MYO7B: variants seen among roughly 807,000 people sequenced by gnomAD.
MYO7B encodes the protein myosin VIIB.
In MYO7B, 212 loss-of-function variants were observed where a neutral mutation model predicts 259.7. The ratio of observed to expected loss-of-function variants is 0.82; its 90% confidence interval spans 0.73 to 0.91. MYO7B has a LOEUF of 0.91. MYO7B is among the 40% of genes least tolerant of loss of function. The probability of loss-of-function intolerance (pLI) is 0.00; values close to 1 mark genes in which losing one functional copy is unlikely to be tolerated. For missense variants in MYO7B, 2,732 were observed against 2,813.5 expected, an observed-to-expected ratio of 0.97 and a Z score of 0.66; for synonymous variants, 1,197 against 1,166.4, an observed-to-expected ratio of 1.03 and a Z score of -0.54.
intron 5 of MYO7B, among the ~76,000 whole-genome samples, chr2:127,567,319 C>CAA (rs142821603): frequency 2.0e-5 from 3 of 151,372 alleles, no homozygotes; most frequent in East Asian, 1.9e-4. Context: ...AGGGCCCACT[C>CAA]AAAAAAAAAC....
intron 9 of MYO7B, among the ~76,000 whole-genome samples, chr2:127,578,935 C>T (rs1678994135): frequency 6.6e-6 from 1 of 152,008 alleles, no homozygotes; most frequent in Non-Finnish European, 1.5e-5. Flanking sequence ...AAAATTTAGA[C>T]AGCGAATGGG....
intron 6 of MYO7B, among the ~76,000 whole-genome samples, chr2:127,573,636 CT>C (rs1678737549): frequency 6.6e-6 from 1 of 152,236 alleles, no homozygotes; most frequent in Non-Finnish European, 1.5e-5. Context: ...TACCTACTAA[CT>C]AGTTCTGTCT....
chr2:127,631,312 C>T lies in MYO7B; in HGVS notation c.5044C>T (p.Arg1682Ter), dbSNP rs531395124. The T allele has an allele frequency of 8.1e-6, 13 of 1,612,112 alleles. No homozygotes were observed. The highest frequency in any genetic ancestry group is 4.5e-5 in the East Asian group (2 of 44,854). Residue 1682 changes from arginine to a stop codon, truncating the protein, a stop_gained, in exon 37 of 48, where the codon CGA (arginine) becomes TGA (stop). Coordinates refer to ENST00000409816, the MANE Select transcript of MYO7B (RefSeq NM_001393586.1). LOFTEE classifies it high-confidence loss of function. Reference protein sequence around the residue: ...CEPLRQPLLKRVHANVDLWDI... With the variant: ...CEPLRQPLLK ...GCCGCTGCGACAGCCGCTGCTCAAG[C>T]GAGTCCACGCCAACGTCGACCTCTG...
chr2:127,558,667 G>A (rs1052288318), intron 1 of MYO7B, among the ~76,000 whole-genome samples: 3 of 152,040 alleles, frequency 2.0e-5, no homozygotes, highest in East Asian at 3.8e-4. Context: ...AGATATAGAC[G>A]TATATATATG....
At chr2:127,556,636 T>C (rs1344763162) in intron 1 of MYO7B, among the ~76,000 whole-genome samples, 1 of 152,212 alleles carries the variant, frequency 6.6e-6, no homozygotes, top group Non-Finnish European at 1.5e-5. Flanking sequence ...GGATCTTTCT[T>C]TCATCTATGA....
chr2:127,569,944 C>T (rs755698084), intron 6 of MYO7B, 34 bp downstream of exon 6: 1 of 1,593,710 alleles, frequency 6.3e-7, no homozygotes, highest in Middle Eastern at 1.8e-4. Context: ...CCTTCTCCCC[C>T]AGCCCCCCTG....
intron 9 of MYO7B, among the ~76,000 whole-genome samples, chr2:127,578,664 C>T (rs950931944): frequency 2.6e-5 from 4 of 152,112 alleles, no homozygotes; most frequent in Non-Finnish European, 4.4e-5. Flanking sequence ...AAGCACCTAA[C>T]GGCAGTTATT....
intron 1 of MYO7B, among the ~76,000 whole-genome samples, chr2:127,556,323 T>G (rs893264131): frequency 6.6e-6 from 1 of 152,220 alleles, no homozygotes; most frequent in African/African-American, 2.4e-5. Context: ...AGCAGATGCT[T>G]GGTTGGTGAA....
At position 127,631,252 on chromosome 2, in the gene MYO7B, C is replaced by T. The variant is rs772287935; in HGVS notation, c.4984C>T (p.Arg1662Cys). 1.2e-5 allele frequency: 20 copies of T among 1,610,972 alleles called. No homozygotes were observed. The highest frequency in any genetic ancestry group is 7.7e-5 in the South Asian group (7 of 90,940). ...MVSMAVLPLA[R>C]ARGHLWAYSC... ...GAGCATGGCCGTGCTGCCCCTGGCC[C>T]GTGCCCGTGGCCACCTGTGGGCCTA... The change falls in exon 37 of 48, where the codon CGT becomes TGT. Residue 1662 changes from arginine to cysteine, a missense_variant. Physicochemically the swap from Arg to Cys is radical, Grantham distance 180. Coordinates refer to ENST00000409816, the MANE Select transcript of MYO7B (RefSeq NM_001393586.1).
At chr2:127,560,030 C>CT (rs59002626) in intron 2 of MYO7B, among the ~76,000 whole-genome samples, 5,386 of 138,132 alleles carry the variant, frequency 0.039, 378 homozygotes, top group African/African-American at 0.14. Flanking sequence ...CTTTTCTTTT[C>CT]TTTTTTTTTT....
rs1681357188 is a variant in MYO7B, at chr2:127,629,705, G to A, written c.4685G>A (p.Gly1562Glu). The A allele has an allele frequency of 1.2e-6, 2 of 1,612,306 alleles. No homozygotes were observed. Among genetic ancestry groups the A allele is most frequent in the Non-Finnish European group, 1.7e-6 (2 of 1,179,498 alleles). ...GDLLVLTKKQ[G>E]LLASENWTLG... is the part of the protein sequence containing the mutation. ...CTGTTGGTCCTCACAAAGAAGCAGG[G>A]GCTGCTGGCCTCTGAGAACTGGACC... Residue 1562 changes from glycine to glutamate, a missense_variant, in exon 35 of 48, where the codon GGG becomes GAG. Transcript: ENST00000409816.
chr2:127,565,459 T>C, intron 4 of MYO7B, 74 bp downstream of exon 4: 1 of 1,572,186 alleles, frequency 6.4e-7, no homozygotes, highest in Non-Finnish European at 8.7e-7. Flanking sequence ...GAGAAGAAAA[T>C]GATGCACAGG....
chr2:127,547,520 A>G (rs1016765606), intron 1 of MYO7B, among the ~76,000 whole-genome samples: 1 of 152,154 alleles, frequency 6.6e-6, no homozygotes, highest in Non-Finnish European at 1.5e-5. Context: ...GGAAGAGGTA[A>G]GATACAAGGT....
In MYO7B at chr2:127,546,762, G is replaced by GTCCATCCATCCATCCATCCA. The variant is rs3034060; in HGVS notation, c.-24+10954_-24+10973dup. Among the ~76,000 whole-genome samples the GTCCATCCATCCATCCATCCA allele has an allele frequency of 6.7e-6, 1 of 149,318 alleles. No homozygotes were observed. The highest frequency in any genetic ancestry group is 1.5e-5 in the Non-Finnish European group (1 of 67,450). The stretch of plus-strand genomic sequence containing the variant: ...ATGCCTCACCTGCTTTCCTGGGTAG[G>GTCCATCCATCCATCCATCCA]TCCATCCATCCATCCATCCATCCAT... On this transcript the variant is annotated intron_variant, in intron 1 of 47. Transcript: ENST00000409816. This position sits in a 1 kb window ranked among gnomAD's most constrained non-coding sequence, Gnocchi z 4.2.
At chr2:127,620,289 C>A in intron 26 of MYO7B, 51 bp from the exon 27 acceptor site, 1 of 1,563,694 alleles carries the variant, frequency 6.4e-7, no homozygotes, top group Non-Finnish European at 8.7e-7. Context: ...CCCCTGTCTC[C>A]TCTCCTCCTC....
chr2:127,625,274 G>A (rs1681047668), intron 30 of MYO7B, 94 bp from the exon 31 acceptor site: 1 of 1,373,200 alleles, frequency 7.3e-7, no homozygotes, highest in Non-Finnish European at 9.6e-7. Flanking sequence ...CCCTGTGATG[G>A]GGCAAGAGCC....
chr2:127,560,093 C>A (rs1678012821), intron 2 of MYO7B, among the ~76,000 whole-genome samples: 1 of 150,066 alleles, frequency 6.7e-6, no homozygotes, highest in South Asian at 2.1e-4. Context: ...GTGGCACGAT[C>A]TCAGCTCACG....
chr2:127,574,307 G>C (rs574213103), intron 7 of MYO7B, among the ~76,000 whole-genome samples: 10 of 152,178 alleles, frequency 6.6e-5, no homozygotes, highest in Admixed American at 5.9e-4. Context: ...AGGCCAAAGC[G>C]GGTGGGTTAC....
chr2:127,624,190 C>T lies in MYO7B; in HGVS notation c.3917C>T (p.Pro1306Leu). 1 of 1,596,842 alleles carries T rather than the reference C, an allele frequency of 6.3e-7. No individual in the cohort carries two copies. The highest frequency in any genetic ancestry group is 8.5e-7 in the Non-Finnish European group (1 of 1,172,394). Residue 1306 changes from proline to leucine, a missense_variant, in exon 30 of 48, where the codon CCC (proline) becomes CTC (leucine). By Grantham distance (98) the Pro-to-Leu change is moderately conservative (BLOSUM62 -3). Coordinates refer to ENST00000409816, the MANE Select transcript of MYO7B (RefSeq NM_001393586.1). The part of the protein sequence containing the change: ...QERGESQRQS[P>L]WRIYFRKEFF... ...AGGGGCGAGAGCCAGCGCCAGTCAC[C>T]CTGGCGCATCTACTTCCGGAAGGAA...
Sources: gnomAD v4.1 joint callset for allele counts (sites outside exome capture counted in the v4.1 genomes callset) on GRCh38, gnomAD v4.1.1 for gene constraint, Gnocchi (gnomAD v3.1) non-coding constraint, MANE v1.5 for transcripts, NCBI Gene and HGNC (gene_info 2026-07-23, HGNC 2026-07-21) for gene names.